The following PSIP1 variants were observed in gnomAD, a reference collection of about 807,000 sequenced individuals.
PSIP1 encodes the protein PC4 and SRSF1 interacting protein 1.
Under a neutral mutation model 74.7 loss-of-function variants are expected in PSIP1, and 19 were observed. That is an observed-to-expected ratio of 0.25 (90% CI 0.18 to 0.37). The LOEUF is 0.37. Ranked by LOEUF, PSIP1 falls within the 10% of genes least tolerant of loss-of-function variation. PSIP1 has a pLI of 1.00. For missense variants in PSIP1, 601 were observed against 614.3 expected, an observed-to-expected ratio of 0.98 and a Z score of 0.23; for synonymous variants, 222 against 195.3, an observed-to-expected ratio of 1.14 and a Z score of -1.14.
At chr9:15,484,868 G>GC (rs2036491777) in intron 6 of PSIP1, among the ~76,000 whole-genome samples, 1 of 143,530 alleles carries the variant, frequency 7.0e-6, no homozygotes, top group Non-Finnish European at 1.5e-5. Flanking sequence ...AGCCAAGATC[G>GC]CACCACTTCA....
At chr9:15,487,861 T>C (rs1375149182) in intron 4 of PSIP1, among the ~76,000 whole-genome samples, 1 of 152,234 alleles carries the variant, frequency 6.6e-6, no homozygotes, top group East Asian at 1.9e-4. Flanking sequence ...ACAATTATGA[T>C]ATGGTTCGAT....
intron 8 of PSIP1, among the ~76,000 whole-genome samples, chr9:15,477,223 A>G (rs1304829825): frequency 6.6e-6 from 1 of 152,180 alleles, no homozygotes; most frequent in Admixed American, 6.5e-5. Context: ...TTAAAAATTG[A>G]CAGGTAAAAA....
At chr9:15,491,557 C>A (rs1202711460) in intron 3 of PSIP1, among the ~76,000 whole-genome samples, 1 of 151,982 alleles carries the variant, frequency 6.6e-6, no homozygotes, top group Non-Finnish European at 1.5e-5. Context: ...TATGTGTGTA[C>A]ATATATACAC....
intron 3 of PSIP1, 57 bp downstream of exon 3, chr9:15,506,504 T>G: frequency 8.1e-7 from 1 of 1,237,916 alleles, no homozygotes; most frequent in Non-Finnish European, 1.2e-6. Flanking sequence ...TAATGTCTAC[T>G]GCCTAATAAC....
intron 10 of PSIP1, 93 bp downstream of exon 10, chr9:15,472,539 T>C: frequency 6.7e-7 from 1 of 1,492,230 alleles, no homozygotes; most frequent in East Asian, 2.4e-5. Flanking sequence ...TTCAAAAGGC[T>C]TCATAAAGTC....
chr9:15,482,926 G>C (rs937672940), intron 6 of PSIP1, among the ~76,000 whole-genome samples: 13 of 152,006 alleles, frequency 8.6e-5, no homozygotes, highest in African/African-American at 2.7e-4. Flanking sequence ...TATCTTACTG[G>C]TACCCTCTCT....
rs762256313 is a variant in PSIP1, at chr9:15,465,540, C to T, written c.1573G>A (p.Asp525Asn). 3 of 1,580,672 alleles carry T rather than the reference C, an allele frequency of 1.9e-6. No individual in the cohort carries two copies. The highest frequency in any genetic ancestry group is 2.6e-6 in the Non-Finnish European group (3 of 1,152,844). Residue 525 changes from aspartate to asparagine, a missense_variant, in exon 16 of 16, where the codon GAT becomes AAT. Asp to Asn is a conservative substitution (Grantham distance 23). Coordinates refer to ENST00000380733, the MANE Select transcript of PSIP1 (RefSeq NM_033222.5). ...EERETEISLK[D>N]STLDN is the part of the protein sequence containing the mutation. ...TCAACCTAGTTATCTAGTGTAGAAT[C>T]CTTCAGAGATATTTCAGTCTCTCTC...
intron 10 of PSIP1, chr9:15,471,883 T>G (rs1018864746): frequency 2.0e-6 from 2 of 982,554 alleles, no homozygotes; most frequent in African/African-American, 3.5e-5. Context: ...AAAACAAAAT[T>G]TAGTCAGAAT....
chr9:15,469,440 T>A, intron 11 of PSIP1, 104 bp from the exon 12 acceptor site: 1 of 650,324 alleles, frequency 1.5e-6, no homozygotes, highest in Non-Finnish European at 2.6e-6. Context: ...AAAAAAATGT[T>A]CTTAGTAATC....
At chr9:15,479,425 A>C (rs867120956) in intron 7 of PSIP1, among the ~76,000 whole-genome samples, 166 bp downstream of exon 7, 45 of 152,348 alleles carry the variant, frequency 3.0e-4, no homozygotes, top group Admixed American at 6.5e-4. Context: ...AAATTTAAAT[A>C]CTTTGAAACA....
rs2037590758 is a variant in PSIP1, at chr9:15,506,433, ACT to A, written c.149+126_149+127del. ...CTACCTTAAAAATAGAGACTTAAAG[ACT>A]CTTTCCAAAGTTCAAAGATTTTAAA... is the stretch of plus-strand genomic sequence containing the variant. On this transcript the variant is annotated intron_variant, in intron 3 of 15. Transcript: ENST00000380733. 3 of 609,146 alleles carry A rather than the reference ACT, an allele frequency of 4.9e-6. No homozygotes were observed. In the African/African-American group the frequency reaches 5.4e-5, roughly 11 times the overall value. 37.7% of individuals were successfully genotyped at this position (609,146 alleles called of 1,614,324 possible). A position where few individuals can be genotyped will look rare whatever the true frequency, so the allele number is the denominator to read the frequency against.
At chr9:15,503,552 C>T (rs187906125) in intron 3 of PSIP1, among the ~76,000 whole-genome samples, 2 of 151,554 alleles carry the variant, frequency 1.3e-5, no homozygotes, top group East Asian at 1.9e-4. Context: ...TTATCAGCTA[C>T]TTGGGAAGTT....
At chr9:15,472,408 C>T (rs2035876724) in intron 10 of PSIP1, 1 of 1,341,024 alleles carries the variant, frequency 7.5e-7, no homozygotes, top group African/African-American at 1.5e-5. Flanking sequence ...CGTTTAAATT[C>T]AAAAATAATT....
chr9:15,497,283 G>A lies in PSIP1; in HGVS notation c.150-7159C>T, dbSNP rs1387153996. On this transcript the variant is annotated intron_variant, in intron 3 of 15. Coordinates refer to ENST00000380733, the MANE Select transcript of PSIP1 (RefSeq NM_033222.5). ...TGAATCTTGAAAAACATCATCCTAA[G>A]TGAGAAAAGCCAGCCACTGAAGACC... 2.7e-5 allele frequency among the ~76,000 whole-genome samples: 4 copies of A among 149,478 alleles called. No homozygotes were observed. The East Asian group carries it at 5.9e-4, about 22-fold the overall frequency.
chr9:15,472,580 C>T (rs2035885758), intron 10 of PSIP1, 52 bp downstream of exon 10: 5 of 1,540,486 alleles, frequency 3.2e-6, no homozygotes, highest in Non-Finnish European at 8.7e-7. Flanking sequence ...TTTAAAAATT[C>T]CATGCTAGCC....
chr9:15,476,958 T>A (rs1157586190), intron 8 of PSIP1, among the ~76,000 whole-genome samples: 3 of 152,008 alleles, frequency 2.0e-5, no homozygotes, highest in South Asian at 4.1e-4. Context: ...AGGATGATAC[T>A]GAAAAAGTAG....
chr9:15,478,440 C>A, intron 8 of PSIP1, 37 bp downstream of exon 8: 1 of 1,418,584 alleles, frequency 7.0e-7, no homozygotes, highest in Middle Eastern at 1.8e-4. Context: ...TCAAATGTCT[C>A]ATTTATTGCA....
Position 15,510,192 on chromosome 9 carries a change from T to A in PSIP1, c.-4A>T, listed in dbSNP as rs753476540. ...CAGGTTTGAAATCGCGAGTCATGTT[T>A]CGGGGGCGAGACCGGGGGTCCGAAG... On this transcript the variant is annotated 5_prime_UTR_variant, in exon 2 of 16. Transcript: ENST00000380733. The A allele has an allele frequency of 1.2e-6, 2 of 1,603,584 alleles. No homozygotes were observed.
intron 5 of PSIP1, 50 bp from the exon 6 acceptor site, chr9:15,486,118 GA>G (rs769323442): frequency 3.2e-5 from 46 of 1,435,300 alleles, no homozygotes; most frequent in Middle Eastern, 3.7e-4. Flanking sequence ...TTCCAGGAAT[GA>G]AAGAAACCTT....
Sources: allele counts gnomAD v4.1 joint callset (sites outside exome capture counted in the v4.1 genomes callset), GRCh38; gene constraint gnomAD v4.1.1; transcripts MANE v1.5; gene names NCBI Gene and HGNC (gene_info 2026-07-23, HGNC 2026-07-21).